PAN3: variants seen among roughly 807,000 people sequenced by gnomAD.
The protein encoded by PAN3 is PAN2-PAN3 deadenylation complex subunit PAN3.
In PAN3, 19 loss-of-function variants were observed where a neutral mutation model predicts 96.2. That is an observed-to-expected ratio of 0.20 (90% confidence interval 0.14 to 0.29). The LOEUF is 0.29. Among genes scored for constraint, PAN3 ranks in the 10% least tolerant of loss-of-function variants. The pLI, the probability that PAN3 is intolerant of heterozygous loss-of-function variation, is 1.00. For missense variants in PAN3, 882 were observed against 1,108.1 expected (o/e 0.80, Z 2.90); for synonymous variants, 433 against 406.6 (o/e 1.06, Z -0.78).
At chr13:28,196,357 T>C (rs933347155) in intron 4 of PAN3, among the ~76,000 whole-genome samples, 6 of 152,202 alleles carry the variant, frequency 3.9e-5, no homozygotes, top group Admixed American at 3.9e-4. Flanking sequence ...AAATTTGCTG[T>C]AATTAAGAGA....
In PAN3 at chr13:28,174,320, C is replaced by G. The variant is rs1310895477; in HGVS notation, c.479C>G (p.Ser160Cys). The G allele has an allele frequency of 4.3e-6, 7 of 1,612,504 alleles. No individual in the cohort carries two copies. Among genetic ancestry groups the G allele is most frequent in the East Asian group, 4.5e-5 (2 of 44,844 alleles). The part of the protein sequence containing the change: ...GALTDTSLTD[S>C]YFSTSFIGVN... ...TTAACTGATACAAGTCTCACAGATT[C>G]CTATTTTAGCACCAGCTTTATTGGA... Residue 160 changes from serine to cysteine, a missense_variant, in exon 2 of 19, where the codon TCC (serine) becomes TGC (cysteine). This residue lies in a region of PAN3 where 442 missense variants were observed against 422.8 expected (regional missense o/e 1.05). Coordinates refer to ENST00000380958, the MANE Select transcript of PAN3 (RefSeq NM_175854.8).
intron 18 of PAN3, among the ~76,000 whole-genome samples, chr13:28,291,947 T>A (rs956339879): frequency 9.2e-5 from 14 of 152,202 alleles, no homozygotes; most frequent in South Asian, 2.1e-4. Flanking sequence ...TGTGTTTTTT[T>A]AAAATTTTTT....
chr13:28,230,955 T>G (rs1882494264), intron 6 of PAN3, among the ~76,000 whole-genome samples: 1 of 152,218 alleles, frequency 6.6e-6, no homozygotes, highest in Non-Finnish European at 1.5e-5. Flanking sequence ...ATGCTTCGTT[T>G]AAGTAAGTGT....
chr13:28,281,620 G>A (rs778207224), intron 17 of PAN3, among the ~76,000 whole-genome samples: 11 of 152,076 alleles, frequency 7.2e-5, no homozygotes, highest in Non-Finnish European at 1.0e-4. Context: ...CTTGTGGTTT[G>A]CACATGAGGG....
chr13:28,202,967 AT>A lies in PAN3; in HGVS notation c.852+5629del, dbSNP rs574577702. On this transcript the variant is annotated intron_variant, in intron 5 of 18. Transcript: ENST00000380958. Reference sequence around the variant, plus strand: ...AATTTTTTTCTTTCTTTCTTTCTTAATTTTTTTTCCCCCCAGACAGGGTCTC... The same window carrying A: ...AATTTTTTTCTTTCTTTCTTTCTTAATTTTTTTCCCCCCAGACAGGGTCTC... 9.9e-4 allele frequency among the ~76,000 whole-genome samples: 149 copies of A among 151,088 alleles called. 4 individuals are homozygous for A. The South Asian group carries it at 0.025, about 25-fold the overall frequency.
At chr13:28,145,994 C>T (rs1277953678) in intron 1 of PAN3, among the ~76,000 whole-genome samples, 7 of 152,024 alleles carry the variant, frequency 4.6e-5, no homozygotes, top group Non-Finnish European at 1.0e-4. Context: ...TCTCGAACCC[C>T]TAACTTCAAG....
At chr13:28,223,554 TTTTTTTG>T (rs970707089) in intron 6 of PAN3, among the ~76,000 whole-genome samples, 5 of 152,030 alleles carry the variant, frequency 3.3e-5, no homozygotes, top group African/African-American at 4.8e-5. Flanking sequence ...CCACTGTTTT[TTTTTTTG>T]TTTTTTGTTT....
At chr13:28,231,848 G>A (rs1882589261) in intron 6 of PAN3, among the ~76,000 whole-genome samples, 1 of 152,126 alleles carries the variant, frequency 6.6e-6, no homozygotes, top group African/African-American at 2.4e-5. Flanking sequence ...GCTGGAGTGA[G>A]CTATGATCAC....
At chr13:28,264,942 T>C (rs1345410630) in intron 9 of PAN3, among the ~76,000 whole-genome samples, 1 of 152,222 alleles carries the variant, frequency 6.6e-6, no homozygotes, top group Non-Finnish European at 1.5e-5. Context: ...ACCTCTTACA[T>C]GTTTTGTATA....
At chr13:28,282,981 C>T (rs1868477123) in intron 17 of PAN3, among the ~76,000 whole-genome samples, 1 of 152,000 alleles carries the variant, frequency 6.6e-6, no homozygotes, top group Non-Finnish European at 1.5e-5. Context: ...TTGAAAATGG[C>T]ATTATTCTAC....
chr13:28,159,777 T>A (rs1037059878), intron 1 of PAN3, among the ~76,000 whole-genome samples: 13 of 151,026 alleles, frequency 8.6e-5, no homozygotes, highest in Admixed American at 8.6e-4. Flanking sequence ...GCAGGGAGAG[T>A]AGGAGGAGGG....
intron 15 of PAN3, among the ~76,000 whole-genome samples, chr13:28,278,947 G>T (rs1324913620): frequency 6.6e-6 from 1 of 151,950 alleles, no homozygotes; most frequent in African/African-American, 2.4e-5. Context: ...TGAATGAGGT[G>T]AACAAAATTC....
chr13:28,240,954 G>A (rs1883603174), intron 6 of PAN3, among the ~76,000 whole-genome samples: 1 of 152,128 alleles, frequency 6.6e-6, no homozygotes, highest in Non-Finnish European at 1.5e-5. Context: ...CTTTATTTGT[G>A]TCCACTTTTA....
chr13:28,224,497 A>G (rs886491311), intron 6 of PAN3, among the ~76,000 whole-genome samples: 2 of 152,314 alleles, frequency 1.3e-5, no homozygotes, highest in South Asian at 2.1e-4. Context: ...TATATTTGCA[A>G]ATGTCATCAT....
At chr13:28,232,031 C>G (rs577768988) in intron 6 of PAN3, among the ~76,000 whole-genome samples, 3 of 152,024 alleles carry the variant, frequency 2.0e-5, no homozygotes, top group African/African-American at 7.3e-5. Flanking sequence ...GTCACTGTTA[C>G]GCAGTCATAA....
At chr13:28,286,911 G>T (rs1333924582) in intron 17 of PAN3, among the ~76,000 whole-genome samples, 1 of 152,132 alleles carries the variant, frequency 6.6e-6, no homozygotes, top group Non-Finnish European at 1.5e-5. Flanking sequence ...CCTAAGCTGT[G>T]TAGTCTGATC....
intron 6 of PAN3, among the ~76,000 whole-genome samples, chr13:28,254,885 A>C (rs758406501): frequency 6.6e-6 from 1 of 152,116 alleles, no homozygotes; most frequent in Non-Finnish European, 1.5e-5. Context: ...TTGACTTTGC[A>C]TGTATGTCCT....
intron 6 of PAN3, among the ~76,000 whole-genome samples, chr13:28,221,360 A>G (rs1881391012): frequency 6.7e-6 from 1 of 149,020 alleles, no homozygotes. Context: ...AAAAAAAAAC[A>G]GAAATAAAAT....
intron 6 of PAN3, among the ~76,000 whole-genome samples, chr13:28,249,045 A>G (rs1376224796): frequency 6.6e-6 from 1 of 152,104 alleles, no homozygotes; most frequent in Non-Finnish European, 1.5e-5. Flanking sequence ...CACTTTCTTG[A>G]TAGTTTCCTA....
Sources: allele counts gnomAD v4.1 joint callset (sites outside exome capture counted in the v4.1 genomes callset), GRCh38; gene constraint gnomAD v4.1.1; regional missense constraint gnomAD v4.1.1; transcripts MANE v1.5; gene names NCBI Gene and HGNC (gene_info 2026-07-23, HGNC 2026-07-21).